VAV2: variants seen among roughly 807,000 people sequenced by gnomAD.
The protein encoded by VAV2 is vav guanine nucleotide exchange factor 2, also known as guanine nucleotide exchange factor VAV2.
Under a neutral mutation model 132.5 loss-of-function variants are expected in VAV2, and 67 were observed. The observed-to-expected ratio is 0.51, with a 90% confidence interval of 0.42 to 0.62. The LOEUF (loss-of-function observed/expected upper bound fraction) is 0.62. VAV2 is among the 20% of genes least tolerant of loss of function. The pLI, the probability that VAV2 is intolerant of heterozygous loss-of-function variation, is 0.00. For missense variants in VAV2, 938 were observed against 1,153.6 expected (o/e 0.81, Z 2.71); for synonymous variants, 492 against 443.5 (o/e 1.11, Z -1.37).
intron 2 of VAV2, among the ~76,000 whole-genome samples, chr9:133,903,075 CA>C (rs1461989957): frequency 8.2e-6 from 1 of 121,324 alleles, no homozygotes; most frequent in Admixed American, 7.9e-5. Flanking sequence ...AACCCTGCCC[CA>C]GGAAAAAAAA....
intron 5 of VAV2, among the ~76,000 whole-genome samples, chr9:133,811,591 G>C (rs1052394180): frequency 5.9e-5 from 9 of 152,182 alleles, no homozygotes; most frequent in Non-Finnish European, 5.9e-5. Context: ...GAGCAAACTG[G>C]CGTCCGAGAG....
intron 2 of VAV2, among the ~76,000 whole-genome samples, chr9:133,867,228 C>T (rs1184887577): frequency 6.6e-6 from 1 of 152,204 alleles, no homozygotes; most frequent in East Asian, 1.9e-4. Flanking sequence ...AGGCCAAGGC[C>T]AGCATCAAGG....
chr9:133,924,332 A>G lies in VAV2; in HGVS notation c.321+14771T>C, dbSNP rs536660195. 2.6e-5 allele frequency among the ~76,000 whole-genome samples: 4 copies of G among 152,140 alleles called. No individual in the cohort carries two copies. The South Asian group carries it at 8.3e-4, about 32-fold the overall frequency. On this transcript the variant is annotated intron_variant, in intron 2 of 29. Transcript: ENST00000371850. ...CGAGTAGCTGGGGTAGACTACAGTT[A>G]TGCACCACCACACCCAGCTAATTTT...
chr9:133,950,469 A>G (rs1312815758), intron 1 of VAV2, among the ~76,000 whole-genome samples: 1 of 152,152 alleles, frequency 6.6e-6, no homozygotes, highest in Admixed American at 6.5e-5. Context: ...GAAGCCCTCC[A>G]AGGACCCACC....
At position 133,804,937 on chromosome 9, in the gene VAV2, C is replaced by G. The variant is rs76724660; in HGVS notation, c.836+1144G>C. 2.3e-3 allele frequency among the ~76,000 whole-genome samples: 349 copies of G among 152,318 alleles called. 1 individual carries two copies. The highest frequency in any genetic ancestry group is 8.1e-3 in the African/African-American group (335 of 41,576). On this transcript the variant is annotated intron_variant, in intron 9 of 29. Transcript: ENST00000371850. This position sits in a 1 kb window ranked among gnomAD's most constrained non-coding sequence, Gnocchi z 4.5. ...GCTCCCTCGTGTCTCCGGGAACCCT[C>G]CAAGCCATGGCCCCTGGAGAGCAGG...
At chr9:133,861,050 C>A (rs915816092) in intron 3 of VAV2, among the ~76,000 whole-genome samples, 5 of 152,224 alleles carry the variant, frequency 3.3e-5, no homozygotes, top group African/African-American at 9.6e-5. Flanking sequence ...CGGCACAGCC[C>A]CCGGTTCTGA....
intron 4 of VAV2, 57 bp from the exon 5 acceptor site, chr9:133,812,273 G>A: frequency 6.4e-7 from 1 of 1,560,584 alleles, no homozygotes; most frequent in South Asian, 1.1e-5. Context: ...CCTGACCGGG[G>A]AGCCGCAGAG....
At chr9:133,955,933 G>A (rs1253510596) in intron 1 of VAV2, among the ~76,000 whole-genome samples, 1 of 150,070 alleles carries the variant, frequency 6.7e-6, no homozygotes, top group Admixed American at 6.6e-5. Context: ...ACAAAGGCAC[G>A]GCCCCTGCTG....
In VAV2 at chr9:133,769,121, T is replaced by C. The variant is rs1171345284; in HGVS notation, c.2434+296A>G. Among the ~76,000 whole-genome samples the C allele has an allele frequency of 2.6e-5, 4 of 152,358 alleles. No homozygotes were observed. The highest frequency in any genetic ancestry group is 1.9e-4 in the East Asian group (1 of 5,188). ...CTTTCTGCTACCAGAGGCAAAGCTC[T>C]TGATGAACAAGGAGGAATGACAGTG... On this transcript the variant is annotated intron_variant, in intron 28 of 29. Coordinates refer to ENST00000371850, the MANE Select transcript of VAV2 (RefSeq NM_001134398.2). This position sits in a 1 kb window ranked among gnomAD's most constrained non-coding sequence, Gnocchi z 8.1.
chr9:133,820,416 G>A (rs529809558), intron 4 of VAV2, among the ~76,000 whole-genome samples: 12 of 150,694 alleles, frequency 8.0e-5, no homozygotes, highest in African/African-American at 2.0e-4. Context: ...CTCTGCCTCC[G>A]GGGTTCACGC....
At chr9:133,927,078 A>C (rs1840504785) in intron 2 of VAV2, among the ~76,000 whole-genome samples, 1 of 150,216 alleles carries the variant, frequency 6.7e-6, no homozygotes, top group Non-Finnish European at 1.5e-5. Context: ...GTCCCCCCCT[A>C]CACATGCTCT....
chr9:133,773,607 TTTA>T (rs1045683774), intron 25 of VAV2, among the ~76,000 whole-genome samples: 1 of 127,110 alleles, frequency 7.9e-6, no homozygotes, highest in African/African-American at 2.8e-5. Context: ...ACAAAGATAT[TTTA>T]TTCTTTGTAT....
chr9:133,789,464 G>A (rs1202715207), intron 13 of VAV2, 121 bp from the exon 14 acceptor site: 9 of 894,398 alleles, frequency 1.0e-5, no homozygotes, highest in African/African-American at 1.6e-5. Context: ...GAGGCGGGAC[G>A]AAGGGAAACA....
chr9:133,775,014 G>A lies in VAV2; in HGVS notation c.2056C>T (p.Leu686=). The A allele has an allele frequency of 6.2e-7, 1 of 1,613,236 alleles. No homozygotes were observed. ...GTCCCGCTGGCGTGGGACTTGAGCA[G>A]GTTGTCCGTCTGCTGCCTCTCCATG... The part of the protein sequence containing the change: ...GNMERQQTDN[L]LKSHASGTYL... The change falls in exon 25 of 30, where the codon CTG becomes TTG. Residue 686 remains leucine, a synonymous_variant. Coordinates refer to ENST00000371850, the MANE Select transcript of VAV2 (RefSeq NM_001134398.2).
At chr9:133,832,855 T>C (rs1215733629) in intron 4 of VAV2, among the ~76,000 whole-genome samples, 2 of 151,874 alleles carry the variant, frequency 1.3e-5, no homozygotes, top group Non-Finnish European at 2.9e-5. Context: ...AGCAGTTTTT[T>C]TTTGAATTTT....
chr9:133,771,618 C>T (rs1478972957), intron 26 of VAV2, among the ~76,000 whole-genome samples: 6 of 152,252 alleles, frequency 3.9e-5, no homozygotes, highest in African/African-American at 1.4e-4. Flanking sequence ...CCGGCCAGGC[C>T]CCAGCTGGAA....
intron 1 of VAV2, among the ~76,000 whole-genome samples, chr9:133,964,037 A>ATG (rs2132232557): frequency 9.8e-6 from 1 of 102,524 alleles, no homozygotes; most frequent in East Asian, 3.8e-4. Context: ...ATATATATAT[A>ATG]TATATATATA....
chr9:133,857,535 C>T lies in VAV2; in HGVS notation c.380+3839G>A, dbSNP rs553513752. Among the ~76,000 whole-genome samples the T allele has an allele frequency of 8.5e-5, 13 of 152,298 alleles. 1 individual carries two copies. In the East Asian group the frequency reaches 2.5e-3, roughly 29 times the overall value. On this transcript the variant is annotated intron_variant, in intron 3 of 29. Coordinates refer to ENST00000371850, the MANE Select transcript of VAV2 (RefSeq NM_001134398.2). This position sits in a 1 kb window ranked among gnomAD's most constrained non-coding sequence, Gnocchi z 4.0. The stretch of plus-strand genomic sequence containing the variant: ...GGGAGAGATTCTTCAGGGCTGTGGG[C>T]TTGGCTTGTGGGTTTTCAAGAAGGA...
chr9:133,777,609 G>A (rs1197126106), intron 22 of VAV2, 146 bp from the exon 23 acceptor site: 12 of 777,956 alleles, frequency 1.5e-5, no homozygotes, highest in South Asian at 6.8e-5. Context: ...CAGCTGACCC[G>A]GCAGCCAGTT....
Sources: allele counts gnomAD v4.1 joint callset (sites outside exome capture counted in the v4.1 genomes callset), GRCh38; gene constraint gnomAD v4.1.1; non-coding constraint Gnocchi (gnomAD v3.1); transcripts MANE v1.5; gene names NCBI Gene and HGNC (gene_info 2026-07-23, HGNC 2026-07-21).